The following POU2AF2 variants were observed in gnomAD, a reference collection of about 807,000 sequenced individuals.
POU2AF2 encodes POU domain class 2-associating factor 2.
the POU2AF2 span, among the ~76,000 whole-genome samples, chr11:111,277,088 G>A: frequency 1.3e-5 from 2 of 152,152 alleles, no homozygotes; most frequent in African/African-American, 2.4e-5. Context: ...AAAGAGAATA[G>A]CACACCCATA....
At chr11:111,285,985 C>G in the POU2AF2 span, 3 of 1,613,920 alleles carry the variant, frequency 1.9e-6, no homozygotes, top group Non-Finnish European at 2.5e-6. Context: ...CCCTCCATGA[C>G]CCTTCCCCTT....
At chr11:111,284,344 G>A in the POU2AF2 span, 16 of 1,609,494 alleles carry the variant, frequency 9.9e-6, no homozygotes, top group East Asian at 3.6e-4. Context: ...TCCTGCCACC[G>A]CCCTTCCCCG....
chr11:111,284,494 A>AG, the POU2AF2 span: 1 of 1,261,258 alleles, frequency 7.9e-7, no homozygotes, highest in Non-Finnish European at 1.1e-6. Flanking sequence ...TGTAGACTCC[A>AG]GAGGCTGCTT....
At chr11:111,264,865 AGAAG>A in the POU2AF2 span, among the ~76,000 whole-genome samples, 642 of 142,300 alleles carry the variant, frequency 4.5e-3, 3 homozygotes, top group African/African-American at 0.014. Flanking sequence ...GAAAAGAGAC[AGAAG>A]GAAGGAAGGA....
chr11:111,251,746 G>A, the POU2AF2 span, among the ~76,000 whole-genome samples: 1 of 152,138 alleles, frequency 6.6e-6, no homozygotes, highest in Non-Finnish European at 1.5e-5. Flanking sequence ...TCTTTCACAT[G>A]TGAATGTCTG....
chr11:111,255,157 G>T, the POU2AF2 span, among the ~76,000 whole-genome samples: 2 of 152,162 alleles, frequency 1.3e-5, no homozygotes, highest in Non-Finnish European at 2.9e-5. Context: ...CCCTCATGGT[G>T]AAAACAGCAT....
chr11:111,284,133 A>G, the POU2AF2 span: 4 of 1,614,180 alleles, frequency 2.5e-6, no homozygotes, highest in Non-Finnish European at 3.4e-6. Context: ...TCTGACTCAG[A>G]CTTCCACAAC....
At chr11:111,276,439 G>GAAAAAAAAAAAAAAAAAAAAAAA in the POU2AF2 span, among the ~76,000 whole-genome samples, 1 of 44,448 alleles carries the variant, frequency 2.2e-5, no homozygotes, top group African/African-American at 9.3e-5. Flanking sequence ...CTACTAAAAA[G>GAAAAAAAAAAAAAAAAAAAAAAA]AAAAAAAAAA....
the POU2AF2 span, among the ~76,000 whole-genome samples, chr11:111,254,422 A>G: frequency 6.6e-6 from 1 of 152,106 alleles, no homozygotes; most frequent in Non-Finnish European, 1.5e-5. Flanking sequence ...TTTCTTCTTC[A>G]TTTTGTATCG....
chr11:111,255,400 T>A, the POU2AF2 span, among the ~76,000 whole-genome samples: 1 of 152,218 alleles, frequency 6.6e-6, no homozygotes, highest in African/African-American at 2.4e-5. Context: ...GATTCCTTAT[T>A]TATCCTCGGC....
At chr11:111,255,928 G>A in the POU2AF2 span, 1 of 398,852 alleles carries the variant, frequency 2.5e-6, no homozygotes, top group East Asian at 3.6e-5. Flanking sequence ...TGTCCTTTGG[G>A]AGCTTAACCT....
chr11:111,255,759 T>C, the POU2AF2 span, among the ~76,000 whole-genome samples: 1 of 151,918 alleles, frequency 6.6e-6, no homozygotes, highest in Non-Finnish European at 1.5e-5. Flanking sequence ...GTGTAGATGA[T>C]GGAACAGTGT....
chr11:111,252,620 G>A, the POU2AF2 span, among the ~76,000 whole-genome samples: 1 of 151,764 alleles, frequency 6.6e-6, no homozygotes, highest in East Asian at 2.0e-4. Context: ...TTCAGTCTCA[G>A]AAGTTGAGGG....
At chr11:111,275,421 G>A in the POU2AF2 span, among the ~76,000 whole-genome samples, 2 of 152,194 alleles carry the variant, frequency 1.3e-5, no homozygotes, top group Non-Finnish European at 2.9e-5. Context: ...CCTGAGGACA[G>A]GTGTCCAATT....
chr11:111,258,346 A>G, the POU2AF2 span, among the ~76,000 whole-genome samples: 1 of 152,174 alleles, frequency 6.6e-6, no homozygotes, highest in Non-Finnish European at 1.5e-5. Flanking sequence ...AGTTGCACAT[A>G]TGGGTAATAT....
the POU2AF2 span, among the ~76,000 whole-genome samples, chr11:111,275,195 C>T: frequency 1.3e-5 from 2 of 152,158 alleles, no homozygotes; most frequent in Admixed American, 1.3e-4. Context: ...TTTACAGATT[C>T]AACTCTGGTA....
chr11:111,253,312 C>A, the POU2AF2 span, among the ~76,000 whole-genome samples: 1 of 152,162 alleles, frequency 6.6e-6, no homozygotes, highest in East Asian at 1.9e-4. Flanking sequence ...GACCTGTTTA[C>A]CCCAGTATGC....
chr11:111,274,717 C>T, the POU2AF2 span, among the ~76,000 whole-genome samples: 1 of 150,994 alleles, frequency 6.6e-6, no homozygotes. Flanking sequence ...CTCTGGATGT[C>T]CCTAAGTCTC....
chr11:111,281,513 A>C, the POU2AF2 span: 16 of 1,517,630 alleles, frequency 1.1e-5, no homozygotes, highest in Admixed American at 2.5e-4. Flanking sequence ...CCATTCTTTC[A>C]TAACGACCTT....
Sources: allele counts gnomAD v4.1 joint callset (sites outside exome capture counted in the v4.1 genomes callset), GRCh38; gene constraint gnomAD v4.1.1; transcripts MANE v1.5; gene names NCBI Gene and HGNC (gene_info 2026-07-23, HGNC 2026-07-21).